The following ERCC6L2 variants were observed in gnomAD, a reference collection of about 807,000 sequenced individuals.
ERCC6L2 encodes DNA excision repair protein ERCC-6-like 2.
Under a neutral mutation model 132.0 loss-of-function variants are expected in ERCC6L2, and 77 were observed. The ratio of observed to expected loss-of-function variants is 0.58; its 90% confidence interval spans 0.49 to 0.71. The LOEUF is 0.71. ERCC6L2 is among the 30% of genes least tolerant of loss of function. The pLI is 0.00. For missense variants in ERCC6L2, 1,542 were observed against 1,837.6 expected (o/e 0.84, Z 2.94); for synonymous variants, 583 against 632.4 (o/e 0.92, Z 1.17).
Position 95,970,618 on chromosome 9 carries a change from T to C in ERCC6L2, c.2143T>C (p.Trp715Arg), listed in dbSNP as rs1365187287. 7.7e-7 allele frequency: 1 copy of C among 1,303,828 alleles called. No homozygotes were observed. Among genetic ancestry groups the C allele is most frequent in the Non-Finnish European group, 1.0e-6 (1 of 988,710 alleles). 80.8% of individuals were successfully genotyped at this position (1,303,828 alleles called of 1,614,324 possible). A position where few individuals can be genotyped will look rare whatever the true frequency, so the allele number is the denominator to read the frequency against. ...VEAGIMTATT[W>R]LKEGPPAHKL... ...AGCAGGGATCATGACAGCCACAACATGGTTGAAAGAGGGACCTCCAGCACA... is the reference window on the plus strand; with the variant it reads ...AGCAGGGATCATGACAGCCACAACACGGTTGAAAGAGGGACCTCCAGCACA... The change falls in exon 15 of 19, where the codon TGG becomes CGG. Residue 715 changes from tryptophan (W) to arginine (R), a missense_variant. Coordinates refer to ENST00000653738, the MANE Select transcript of ERCC6L2 (RefSeq NM_020207.7).
At chr9:95,994,118 C>A (rs1564291452) in intron 17 of ERCC6L2, among the ~76,000 whole-genome samples, 1 of 152,130 alleles carries the variant, frequency 6.6e-6, no homozygotes, top group South Asian at 2.1e-4. Flanking sequence ...AAGCAAAAAT[C>A]CCGAAATGTT....
rs1827235430 is a variant in ERCC6L2, at chr9:95,876,008, G to C, written c.-31G>C. ...CTCCGCCGCCTTCCGGGTGTTACAT[G>C]CAGCCGGGCTCGGCCCCTCCCCCTG... is the stretch of plus-strand genomic sequence containing the variant. On this transcript the variant is annotated 5_prime_UTR_variant, in exon 1 of 19. The change abolishes an upstream ATG in the 5' untranslated region. Transcript: ENST00000653738. 1 of 1,573,620 alleles carries C rather than the reference G, an allele frequency of 6.4e-7. No individual in the cohort carries two copies. Among genetic ancestry groups the C allele is most frequent in the Admixed American group, 1.8e-5 (1 of 55,074 alleles).
intron 11 of ERCC6L2, among the ~76,000 whole-genome samples, chr9:95,932,597 C>G (rs755318552): frequency 2.6e-4 from 39 of 152,012 alleles, no homozygotes; most frequent in Non-Finnish European, 5.0e-4. Context: ...ATGAAGCCAC[C>G]CTATCCATAA....
chr9:95,920,707 C>A lies in ERCC6L2; in HGVS notation c.1159-468C>A, dbSNP rs578195040. On this transcript the variant is annotated intron_variant, in intron 6 of 18. Coordinates refer to ENST00000653738, the MANE Select transcript of ERCC6L2 (RefSeq NM_020207.7). ...ATATTATCCAGGGTGGGGTGGAGAG[C>A]AAAGAATATAAGACAGTCAGTAGAA... Among the ~76,000 whole-genome samples the A allele has an allele frequency of 3.9e-5, 6 of 152,012 alleles. No homozygotes were observed. In the East Asian group the frequency reaches 9.6e-4, roughly 24 times the overall value.
intron 17 of ERCC6L2, among the ~76,000 whole-genome samples, chr9:95,984,884 T>C (rs1475199003): frequency 6.6e-6 from 1 of 152,228 alleles, no homozygotes; most frequent in African/African-American, 2.4e-5. Context: ...GAGATGACAT[T>C]GTTCATTGTT....
chr9:96,027,587 G>A (rs1280351176), intron 19 of ERCC6L2: 4 of 152,270 alleles, frequency 2.6e-5, no homozygotes, highest in African/African-American at 9.7e-5. Context: ...GGTCCGGAAG[G>A]AGCCCAGGCC....
chr9:95,987,829 G>A (rs1271060720), intron 17 of ERCC6L2, among the ~76,000 whole-genome samples: 1 of 152,158 alleles, frequency 6.6e-6, no homozygotes, highest in African/African-American at 2.4e-5. Context: ...TCTCCATGAG[G>A]GCCCCACCCC....
intron 9 of ERCC6L2, among the ~76,000 whole-genome samples, chr9:95,926,240 C>T (rs1018146400): frequency 3.9e-5 from 6 of 152,114 alleles, no homozygotes; most frequent in Admixed American, 1.3e-4. Context: ...TATATGATCC[C>T]GCAATTGTGC....
chr9:96,022,127 T>C (rs545653647), downstream of ERCC6L2, among the ~76,000 whole-genome samples: 3 of 152,326 alleles, frequency 2.0e-5, no homozygotes, highest in South Asian at 6.2e-4. Flanking sequence ...CTCCAAAATA[T>C]TTCCTGGATC....
At chr9:96,008,043 C>G (rs1833916926) in intron 18 of ERCC6L2, among the ~76,000 whole-genome samples, 1 of 152,206 alleles carries the variant, frequency 6.6e-6, no homozygotes, top group East Asian at 1.9e-4. Flanking sequence ...ACCTTCCACA[C>G]TGCCACACAG....
intron 16 of ERCC6L2, among the ~76,000 whole-genome samples, chr9:95,975,631 G>T (rs690109): frequency 2.0e-5 from 3 of 151,948 alleles, no homozygotes; most frequent in African/African-American, 2.4e-5. Context: ...TTTTGGGAAA[G>T]ATTTGCTTGT....
At chr9:96,038,028 G>A (rs1468138263) in intron 19 of ERCC6L2, among the ~76,000 whole-genome samples, 1 of 152,052 alleles carries the variant, frequency 6.6e-6, no homozygotes, top group East Asian at 1.9e-4. Flanking sequence ...GCGTGGGTAG[G>A]TGGGTGGTGG....
rs1444459993 is a variant in ERCC6L2, at chr9:95,995,401, T to C, written c.3493-9119T>C. Among the ~76,000 whole-genome samples, 6 of 152,234 alleles carry C rather than the reference T, an allele frequency of 3.9e-5. No homozygotes were observed. In the East Asian group the frequency reaches 7.7e-4, roughly 20 times the overall value. On this transcript the variant is annotated intron_variant, in intron 17 of 18. Coordinates refer to ENST00000653738, the MANE Select transcript of ERCC6L2 (RefSeq NM_020207.7). ...GGAACTTTTCTGCTGTTAACCAGTA[T>C]AAACCTAAAACCTAAAAGTAAGAAG...
At position 95,891,451 on chromosome 9, in the gene ERCC6L2, A is replaced by G. The variant is rs571927532; in HGVS notation, c.472-6398A>G. 7.2e-5 allele frequency among the ~76,000 whole-genome samples: 11 copies of G among 152,140 alleles called. No individual in the cohort carries two copies. In the South Asian group the frequency reaches 1.7e-3, roughly 23 times the overall value. ...TTTAATGCATTCAGAATGTTGTGCA[A>G]CTCCCACCTCTTTCTAGTTTCTGGG... On this transcript the variant is annotated intron_variant, in intron 2 of 18. Transcript: ENST00000653738.
Position 95,972,272 on chromosome 9 carries a change from G to C in ERCC6L2, c.2521G>C (p.Asp841His). 7.7e-7 allele frequency: 1 copy of C among 1,303,812 alleles called. No individual in the cohort carries two copies. Among genetic ancestry groups the C allele is most frequent in the South Asian group, 1.2e-5 (1 of 80,912 alleles). 80.8% of individuals were successfully genotyped at this position (1,303,812 alleles called of 1,614,324 possible). The part of the protein sequence containing the change: ...AKDAGCEKNQ[D>H]SLGTSKHQKL... ...AGATGCTGGTTGTGAGAAAAATCAG[G>C]ACTCTCTTGGTACTTCAAAACATCA... The change falls in exon 16 of 19, where the codon GAC becomes CAC. Residue 841 changes from aspartate (D) to histidine (H), a missense_variant. Around this residue, in one of 4 missense-constraint regions of ERCC6L2, gnomAD observed 945 missense variants for 1,105.2 expected, o/e 0.86. Coordinates refer to ENST00000653738, the MANE Select transcript of ERCC6L2 (RefSeq NM_020207.7).
At chr9:96,008,410 G>C (rs1793242759) in intron 18 of ERCC6L2, among the ~76,000 whole-genome samples, 1 of 152,176 alleles carries the variant, frequency 6.6e-6, no homozygotes, top group Admixed American at 6.5e-5. Flanking sequence ...TAGTCTCTGA[G>C]TGAATTATCT....
chr9:96,030,803 C>G (rs890252958), intron 19 of ERCC6L2, among the ~76,000 whole-genome samples: 2 of 151,914 alleles, frequency 1.3e-5, no homozygotes, highest in African/African-American at 2.4e-5. Context: ...CAAACCAGGA[C>G]AACTGGGGCC....
intron 2 of ERCC6L2, among the ~76,000 whole-genome samples, chr9:95,882,770 CTA>C (rs1399617507): frequency 2.0e-5 from 3 of 152,168 alleles, no homozygotes; most frequent in Non-Finnish European, 4.4e-5. Context: ...TAACCATACT[CTA>C]TGTTCCTTCA....
At chr9:95,902,146 T>C (rs1284575569) in intron 3 of ERCC6L2, among the ~76,000 whole-genome samples, 2 of 97,644 alleles carry the variant, frequency 2.0e-5, no homozygotes, top group Admixed American at 1.2e-4. Context: ...CAAGTGTGAA[T>C]AAATCATCTG....
Sources: gnomAD v4.1 joint callset for allele counts (sites outside exome capture counted in the v4.1 genomes callset) on GRCh38, gnomAD v4.1.1 for gene constraint, gnomAD v4.1.1 regional missense constraint, MANE v1.5 for transcripts, NCBI Gene and HGNC (gene_info 2026-07-23, HGNC 2026-07-21) for gene names.